The following TRIM24 variants were observed in gnomAD, a reference collection of about 807,000 sequenced individuals.
The protein encoded by TRIM24 is transcription intermediary factor 1-alpha.
In TRIM24, 29 loss-of-function variants were observed where a neutral mutation model predicts 123.9. The observed-to-expected ratio is 0.23, with a 90% CI of 0.17 to 0.32. TRIM24 has a LOEUF of 0.32. TRIM24 is among the 10% of genes least tolerant of loss of function. The pLI is 1.00. For synonymous variants in TRIM24, 456 were observed against 461.1 expected (o/e 0.99, Z 0.14); for missense variants, 932 against 1,295.3 (o/e 0.72, Z 4.31).
chr7:138,532,497 G>C (rs1028575646), intron 6 of TRIM24, among the ~76,000 whole-genome samples: 3 of 152,094 alleles, frequency 2.0e-5, no homozygotes, highest in East Asian at 1.9e-4. Context: ...GCTTGTTTTT[G>C]TCAGGTTTGT....
chr7:138,469,155 T>A (rs969311425), intron 1 of TRIM24, among the ~76,000 whole-genome samples: 1 of 152,212 alleles, frequency 6.6e-6, no homozygotes, highest in African/African-American at 2.4e-5. Context: ...GTCAGAAGAA[T>A]GCTTTTTAAT....
At chr7:138,526,438 G>GT (rs1187104295) in intron 5 of TRIM24, among the ~76,000 whole-genome samples, 1 of 150,358 alleles carries the variant, frequency 6.7e-6, no homozygotes, top group Non-Finnish European at 1.5e-5. Context: ...CTCTGTTTTT[G>GT]TTTTTTGTTT....
At chr7:138,547,963 T>C (rs533125691) in intron 7 of TRIM24, among the ~76,000 whole-genome samples, 1 of 152,240 alleles carries the variant, frequency 6.6e-6, no homozygotes, top group South Asian at 2.1e-4. Context: ...GTTTTAAAAG[T>C]ATAGCCAACG....
chr7:138,585,510 G>A lies in TRIM24; in HGVS notation c.*559G>A, dbSNP rs1797996114. 1.2e-5 allele frequency: 4 copies of A among 329,548 alleles called. No individual in the cohort carries two copies. The highest frequency in any genetic ancestry group is 2.3e-5 in the Non-Finnish European group (4 of 174,654). 20.4% of individuals were successfully genotyped at this position (329,548 alleles called of 1,614,324 possible). ...GCCAAACGGTGCAACAGAAGGGTAG[G>A]TTAGATGCTATTAAGAAGGCACTTA... On this transcript the variant is annotated 3_prime_UTR_variant, in exon 19 of 19. Transcript: ENST00000343526.
intron 6 of TRIM24, among the ~76,000 whole-genome samples, chr7:138,533,180 C>T (rs1796785171): frequency 1.3e-5 from 2 of 152,320 alleles, no homozygotes; most frequent in South Asian, 4.1e-4. Flanking sequence ...TTGACTTCCT[C>T]TTTTCCTAAT....
At chr7:138,482,701 C>A (rs1486397614) in intron 1 of TRIM24, among the ~76,000 whole-genome samples, 1 of 152,100 alleles carries the variant, frequency 6.6e-6, no homozygotes, top group Admixed American at 6.5e-5. Context: ...AATGATATTC[C>A]ATTTTAACTT....
chr7:138,498,840 AC>A (rs1179827573), intron 1 of TRIM24, among the ~76,000 whole-genome samples: 1 of 150,344 alleles, frequency 6.7e-6, no homozygotes, highest in African/African-American at 2.4e-5. Flanking sequence ...CACCATGTTG[AC>A]CAGGCTGGTC....
chr7:138,572,218 AT>A (rs1797672000), intron 11 of TRIM24, among the ~76,000 whole-genome samples: 2 of 152,194 alleles, frequency 1.3e-5, no homozygotes, highest in African/African-American at 4.8e-5. Flanking sequence ...ATATTTTCTC[AT>A]GCATGGATGG....
chr7:138,578,358 T>C (rs922056869), intron 14 of TRIM24, among the ~76,000 whole-genome samples: 5 of 152,198 alleles, frequency 3.3e-5, no homozygotes, highest in African/African-American at 1.2e-4. Flanking sequence ...AACCTGAATA[T>C]GCACTTAACC....
At chr7:138,494,072 C>T (rs752666239) in intron 1 of TRIM24, among the ~76,000 whole-genome samples, 2 of 151,940 alleles carry the variant, frequency 1.3e-5, no homozygotes, top group Non-Finnish European at 2.9e-5. Context: ...ACCTCCGCCT[C>T]CTGGGTTCAA....
chr7:138,491,951 GT>G lies in TRIM24; in HGVS notation c.365-12329del, dbSNP rs76404865. Among the ~76,000 whole-genome samples the G allele has an allele frequency of 6.5e-3, 956 of 147,858 alleles. 2 individuals are homozygous for G. The highest frequency in any genetic ancestry group is 0.02 in the African/African-American group (793 of 40,394). On this transcript the variant is annotated intron_variant, in intron 1 of 18. Coordinates refer to ENST00000343526, the MANE Select transcript of TRIM24 (RefSeq NM_015905.3). ...TCATTTCATGTGCTTGTTGGTTGCT[GT>G]TTTTTTTTTGATCTTCTTTGGAGAA...
intron 1 of TRIM24, among the ~76,000 whole-genome samples, chr7:138,497,285 C>G (rs1795928343): frequency 6.6e-6 from 1 of 151,084 alleles, no homozygotes; most frequent in Non-Finnish European, 1.5e-5. Context: ...CCAGGCTGGT[C>G]TTGAAATCCT....
chr7:138,492,303 A>G (rs1795809885), intron 1 of TRIM24, among the ~76,000 whole-genome samples: 1 of 147,428 alleles, frequency 6.8e-6, no homozygotes, highest in Non-Finnish European at 1.5e-5. Flanking sequence ...AAAAAAGGGA[A>G]AGAAAATAAA....
intron 1 of TRIM24, among the ~76,000 whole-genome samples, chr7:138,497,171 ACCAGTGGAGC>A (rs1010203944): frequency 2.6e-5 from 4 of 152,080 alleles, no homozygotes; most frequent in African/African-American, 9.7e-5. Context: ...AATAGAATTC[ACCAGTGGAGC>A]CCTTTGTGTC....
chr7:138,553,559 G>A (rs868138498), intron 8 of TRIM24, among the ~76,000 whole-genome samples: 69 of 152,164 alleles, frequency 4.5e-4, no homozygotes, highest in Middle Eastern at 3.4e-3. Flanking sequence ...CAAGGGCACC[G>A]TTAAACTCTT....
Position 138,515,242 on chromosome 7 carries a change from G to A in TRIM24, c.514G>A (p.Ala172Thr), listed in dbSNP as rs1232707327. 1 of 1,613,680 alleles carries A rather than the reference G, an allele frequency of 6.2e-7. No homozygotes were observed. Among genetic ancestry groups the A allele is most frequent in the Admixed American group, 1.7e-5 (1 of 60,002 alleles). The change falls in exon 3 of 19, where the codon GCC becomes ACC. Residue 172 changes from alanine to threonine, a missense_variant. Ala to Thr is a moderately conservative substitution (Grantham distance 58). Around this residue, in one of 7 missense-constraint regions of TRIM24, gnomAD observed 74 missense variants for 163.6 expected, o/e 0.45. Coordinates refer to ENST00000343526, the MANE Select transcript of TRIM24 (RefSeq NM_015905.3). ...TACAAGCTGTGAGGACAACGCAGAA[G>A]CCAATGGGTTTTGTGTAGAGTGTGT... ...VCTSCEDNAE[A>T]NGFCVECVEW...
rs996440847 is a variant in TRIM24, at chr7:138,507,456, G to C, written c.483+3048G>C. On this transcript the variant is annotated intron_variant, in intron 2 of 18. Transcript: ENST00000343526. ...GCTCACTGCAACCTCAGTCTCCCAAGTAGCTGGGATTACAGGTGCCCACCA... is the reference window on the plus strand; with the variant it reads ...GCTCACTGCAACCTCAGTCTCCCAACTAGCTGGGATTACAGGTGCCCACCA... Among the ~76,000 whole-genome samples the C allele has an allele frequency of 2.7e-5, 4 of 150,112 alleles. No individual in the cohort carries two copies. The Admixed American group carries it at 2.7e-4, about 10-fold the overall frequency.
At chr7:138,584,644 C>T in intron 18 of TRIM24, 98 bp from the exon 19 acceptor site, 1 of 909,644 alleles carries the variant, frequency 1.1e-6, no homozygotes, top group Non-Finnish European at 1.6e-6. Flanking sequence ...ATTTCAATGA[C>T]TATGCATGAA....
intron 1 of TRIM24, among the ~76,000 whole-genome samples, chr7:138,493,313 T>C (rs1440461569): frequency 1.3e-5 from 2 of 152,242 alleles, no homozygotes. Flanking sequence ...AATTCGTTTG[T>C]TGAGAACCAA....
Sources: gnomAD v4.1 joint callset for allele counts (sites outside exome capture counted in the v4.1 genomes callset) on GRCh38, gnomAD v4.1.1 for gene constraint, gnomAD v4.1.1 regional missense constraint, MANE v1.5 for transcripts, NCBI Gene and HGNC (gene_info 2026-07-23, HGNC 2026-07-21) for gene names.